Variants in COQ6 observed in about 807,000 individuals in gnomAD.
COQ6 encodes coenzyme Q6, monooxygenase, also known as ubiquinone biosynthesis monooxygenase COQ6, mitochondrial.
A neutral mutation model predicts 55.5 loss-of-function variants in COQ6; 45 were observed. The ratio of observed to expected loss-of-function variants is 0.81; its 90% CI spans 0.64 to 1.04. The LOEUF (loss-of-function observed/expected upper bound fraction) is 1.04, where lower values mean the gene tolerates loss of function less well. COQ6 is among the 50% of genes least tolerant of loss of function. The pLI is 0.00. For synonymous variants in COQ6, 206 were observed against 230.5 expected, an observed-to-expected ratio of 0.89 and a Z score of 0.96; for missense variants, 550 against 601.3, an observed-to-expected ratio of 0.91 and a Z score of 0.89.
chr14:73,953,702 G>A, intron 2 of COQ6, 133 bp downstream of exon 2: 2 of 1,206,890 alleles, frequency 1.7e-6, no homozygotes, highest in Non-Finnish European at 2.4e-6. Flanking sequence ...GAGGGGGTGG[G>A]ATTGGTAGTC....
At chr14:73,953,592 A>G (rs748341208) in intron 2 of COQ6, 23 bp downstream of exon 2, 2 of 1,614,072 alleles carry the variant, frequency 1.2e-6, no homozygotes, top group Non-Finnish European at 8.5e-7. Context: ...TCCTCCTTCA[A>G]AGATCCAATC....
At chr14:73,960,311 A>G (rs1237335597) in intron 8 of COQ6, 6 of 986,078 alleles carry the variant, frequency 6.1e-6, no homozygotes, top group Middle Eastern at 5.2e-4. Context: ...TGTAAAATCC[A>G]TGGAACATCT....
chr14:73,954,880 C>T (rs926090128), intron 2 of COQ6, among the ~76,000 whole-genome samples: 9 of 146,878 alleles, frequency 6.1e-5, no homozygotes, highest in Admixed American at 1.4e-4. Flanking sequence ...ATTTGGTTTT[C>T]GTTTTTAATT....
intron 2 of COQ6, among the ~76,000 whole-genome samples, chr14:73,954,509 C>G (rs2079632): frequency 0.86 from 131,179 of 152,172 alleles, 56,685 homozygotes; most frequent in East Asian, 0.95. Flanking sequence ...ATTGTCTTTA[C>G]GAGGTTTATA....
At position 73,961,193 on chromosome 14, in the gene COQ6, G is replaced by T. The variant is rs768567530; in HGVS notation, c.912G>T (p.Thr304=). The T allele has an allele frequency of 4.3e-6, 7 of 1,613,648 alleles. No homozygotes were observed. Among genetic ancestry groups the T allele is most frequent in the Middle Eastern group, 1.6e-4 (1 of 6,084 alleles). ...CTCAGTGGAGTGATGCTGACCACAC[G>T]GACTTCATCGACACAGCTGGTGCCA... ...NSAFWSDADH[T]DFIDTAGAML... The change falls in exon 9 of 12, where the codon ACG becomes ACT. Residue 304 remains threonine, a synonymous_variant. Transcript: ENST00000334571.
In COQ6 at chr14:73,963,178, G is replaced by C; in HGVS notation, c.*179G>C. ...AATAATGAATGATAATTTGCTGTGA[G>C]GAGCGTATATTAGCCAGACCAAAGG... On this transcript the variant is annotated 3_prime_UTR_variant, in exon 12 of 12. Transcript: ENST00000334571. 1 of 693,300 alleles carries C rather than the reference G, an allele frequency of 1.4e-6. No individual in the cohort carries two copies. Among genetic ancestry groups the C allele is most frequent in the Non-Finnish European group, 2.6e-6 (1 of 385,426 alleles). 42.9% of individuals were successfully genotyped at this position (693,300 alleles called of 1,614,324 possible). A position where few individuals can be genotyped will look rare whatever the true frequency, so the allele number is the denominator to read the frequency against.
intron 4 of COQ6, 129 bp downstream of exon 4, chr14:73,956,057 G>A (rs2056416583): frequency 4.4e-6 from 6 of 1,360,138 alleles, no homozygotes; most frequent in Non-Finnish European, 5.2e-6. Flanking sequence ...GGGTGCGGTG[G>A]CTCACGCCTG....
At chr14:73,951,649 AT>A (rs35049412) in intron 1 of COQ6, among the ~76,000 whole-genome samples, 16,923 of 135,568 alleles carry the variant, frequency 0.12, 1,294 homozygotes, top group South Asian at 0.28. Context: ...TTTTTTTGTG[AT>A]TTTTTTTTTT....
At position 73,959,972 on chromosome 14, in the gene COQ6, A is replaced by G. The variant is rs2056636004; in HGVS notation, c.891+450A>G. 6 of 1,046,922 alleles carry G rather than the reference A, an allele frequency of 5.7e-6. No individual in the cohort carries two copies. The African/African-American group carries it at 6.8e-5, about 12-fold the overall frequency. 64.9% of individuals were successfully genotyped at this position (1,046,922 alleles called of 1,614,324 possible). ...CTAGATTATGTGGAGGAGTGTACAC[A>G]CGGAAATGCAAAACAATAGAAATAA... On this transcript the variant is annotated intron_variant, in intron 8 of 11. Coordinates refer to ENST00000334571, the MANE Select transcript of COQ6 (RefSeq NM_182476.3).
In COQ6 at chr14:73,961,803, C is replaced by T; in HGVS notation, c.1277C>T (p.Ala426Val). The T allele has an allele frequency of 1.2e-6, 2 of 1,614,184 alleles. No individual in the cohort carries two copies. The highest frequency in any genetic ancestry group is 1.7e-6 in the Non-Finnish European group (2 of 1,180,030). ...CGTCACAACACTGCTCTTCTGGCTG[C>T]TACAGACTTACTAAAAAGGCTCTAT... Reference protein sequence around the residue: ...RQRHNTALLAATDLLKRLYST... With the variant: ...RQRHNTALLAVTDLLKRLYST... Residue 426 changes from alanine to valine, a missense_variant, in exon 11 of 12, where the codon GCT (alanine) becomes GTT (valine). By Grantham distance (64) the Ala-to-Val change is moderately conservative. Coordinates refer to ENST00000334571, the MANE Select transcript of COQ6 (RefSeq NM_182476.3).
At chr14:73,953,700 G>A (rs1435602154) in intron 2 of COQ6, 131 bp downstream of exon 2, 2 of 1,208,316 alleles carry the variant, frequency 1.7e-6, no homozygotes, top group East Asian at 2.3e-5. Flanking sequence ...GAGAGGGGGT[G>A]GGATTGGTAG....
At chr14:73,950,202 T>C, upstream of COQ6, 2 of 1,547,236 alleles carry the variant, frequency 1.3e-6, no homozygotes, top group South Asian at 1.2e-5. Context: ...GATTGGCCTA[T>C]TTTCTCCGCG....
Position 73,961,460 on chromosome 14 carries a change from CA to C in COQ6, c.1101del (p.Ala368ProfsTer36). On this transcript the variant is annotated frameshift_variant, in exon 10 of 12. Coordinates refer to ENST00000334571, the MANE Select transcript of COQ6 (RefSeq NM_182476.3). LOFTEE classifies it high-confidence loss of function. Reference protein sequence around the residue: ...VRPRVALIGDAAHRVHPLAGQ... With the variant: ...VRPRVALIGDXAHRVHPLAGQ... ...GAACTCTGCTTTATTCTTAGGGATG[CA>C]GCCCACAGAGTCCATCCGCTTGCAG... 6.2e-7 allele frequency: 1 copy of C among 1,614,178 alleles called. No individual in the cohort carries two copies. The highest frequency in any genetic ancestry group is 8.5e-7 in the Non-Finnish European group (1 of 1,180,012).
chr14:73,954,547 A>C (rs908816493), intron 2 of COQ6, among the ~76,000 whole-genome samples: 29 of 152,186 alleles, frequency 1.9e-4, no homozygotes, highest in African/African-American at 5.6e-4. Flanking sequence ...AAGAAAAAGA[A>C]CAATATGGAT....
intron 1 of COQ6, among the ~76,000 whole-genome samples, chr14:73,951,169 A>AT (rs938639742): frequency 4.6e-5 from 7 of 151,722 alleles, no homozygotes; most frequent in South Asian, 2.1e-4. Flanking sequence ...TGATTTTTGT[A>AT]TTTTTTTGTA....
At position 73,959,471 on chromosome 14, in the gene COQ6, G is replaced by A; in HGVS notation, c.840G>A (p.Glu280=). The A allele has an allele frequency of 1.2e-6, 2 of 1,614,226 alleles. No homozygotes were observed. The highest frequency in any genetic ancestry group is 8.5e-7 in the Non-Finnish European group (1 of 1,180,036). Residue 280 remains glutamate, a synonymous_variant, in exon 8 of 12, where the codon GAG becomes GAA. Coordinates refer to ENST00000334571, the MANE Select transcript of COQ6 (RefSeq NM_182476.3). ...CCACGTCCCATGAACATGCAGCAGA[G>A]CTAGTTAGCATGGATGAGGAAAAAT... is the stretch of plus-strand genomic sequence containing the variant. ...VWSTSHEHAA[E]LVSMDEEKFV...
chr14:73,953,123 T>C (rs1350361374), intron 1 of COQ6, among the ~76,000 whole-genome samples: 1 of 152,228 alleles, frequency 6.6e-6, no homozygotes, highest in Non-Finnish European at 1.5e-5. Context: ...TTAAATACTG[T>C]AGTCTAACTT....
chr14:73,949,967 C>G (rs746202361), upstream of COQ6: 2 of 1,613,610 alleles, frequency 1.2e-6, no homozygotes, highest in Non-Finnish European at 1.7e-6. Context: ...TCTTTTCTCT[C>G]CTCACCTGAC....
chr14:73,959,724 C>A lies in COQ6; in HGVS notation c.891+202C>A. 4 of 1,159,056 alleles carry A rather than the reference C, an allele frequency of 3.5e-6. No individual in the cohort carries two copies. The South Asian group carries it at 4.7e-5, about 14-fold the overall frequency. 71.8% of individuals were successfully genotyped at this position (1,159,056 alleles called of 1,614,324 possible). ...AGCTGGGACTACAGGCACGTGCCAC[C>A]ATGCCCAGCTAATTTTTCTATTTTT... is the stretch of plus-strand genomic sequence containing the variant. On this transcript the variant is annotated intron_variant, in intron 8 of 11. Coordinates refer to ENST00000334571, the MANE Select transcript of COQ6 (RefSeq NM_182476.3).
Sources: allele counts gnomAD v4.1 joint callset (sites outside exome capture counted in the v4.1 genomes callset), GRCh38; gene constraint gnomAD v4.1.1; transcripts MANE v1.5; gene names NCBI Gene and HGNC (gene_info 2026-07-23, HGNC 2026-07-21).